The following IQUB variants were observed in gnomAD, a reference collection of about 807,000 sequenced individuals.
IQUB encodes the protein IQ motif and ubiquitin-like domain-containing protein.
IQUB carries 86 observed loss-of-function variants against 86.4 expected under a neutral mutation model. The ratio of observed to expected loss-of-function variants is 1.00; its 90% CI spans 0.84 to 1.19. The LOEUF (loss-of-function observed/expected upper bound fraction) is 1.19. Ranked by LOEUF, IQUB falls within the 50% of genes most tolerant of loss-of-function variation. IQUB has a pLI of 0.00. For missense variants in IQUB, 946 were observed against 916.9 expected (o/e 1.03, Z -0.41); for synonymous variants, 289 against 304.5 (o/e 0.95, Z 0.53).
chr7:123,463,215 T>G (rs915205603), intron 10 of IQUB, among the ~76,000 whole-genome samples: 1 of 151,668 alleles, frequency 6.6e-6, no homozygotes, highest in Non-Finnish European at 1.5e-5. Context: ...GCAGTCAGTT[T>G]GGAAAAAAAT....
intron 9 of IQUB, among the ~76,000 whole-genome samples, chr7:123,467,978 GTTTTCTTGCTT>G (rs1794340220): frequency 6.6e-6 from 1 of 152,204 alleles, no homozygotes; most frequent in Non-Finnish European, 1.5e-5. Flanking sequence ...CAAGGCAAGT[GTTTTCTTGCTT>G]ATAGAGGTAA....
chr7:123,532,711 T>C (rs923397696), intron 1 of IQUB: 6 of 152,044 alleles, frequency 3.9e-5, no homozygotes, highest in African/African-American at 1.4e-4. Context: ...CATTGGGCGC[T>C]CCGCCCAAGG....
Position 123,479,902 on chromosome 7 carries a change from A to G in IQUB, c.1303T>C (p.Cys435Arg). The stretch of plus-strand genomic sequence containing the variant: ...TGAGTCTCTTTTTCCAGAAGTTCAC[A>G]CAGAGCAGCTTTCCTTTCAGCTCCA... ...FTGAERKAAL[C>R]ELLEKETQII... is the part of the protein sequence containing the mutation. Residue 435 changes from cysteine (C) to arginine (R), a missense_variant, in exon 8 of 13, where the codon TGT becomes CGT. Physicochemically the swap from Cys to Arg is radical, Grantham distance 180. Transcript: ENST00000324698. 6.2e-7 allele frequency: 1 copy of G among 1,613,220 alleles called. No individual in the cohort carries two copies. The highest frequency in any genetic ancestry group is 8.5e-7 in the Non-Finnish European group (1 of 1,179,460).
intron 1 of IQUB, among the ~76,000 whole-genome samples, chr7:123,524,662 T>C (rs1797096935): frequency 6.6e-6 from 1 of 151,370 alleles, no homozygotes; most frequent in Non-Finnish European, 1.5e-5. Context: ...ACAATTTGAC[T>C]TCCTCTTTTC....
intron 3 of IQUB, among the ~76,000 whole-genome samples, chr7:123,508,056 G>A (rs925049849): frequency 8.5e-5 from 13 of 152,234 alleles, no homozygotes; most frequent in South Asian, 4.2e-4. Context: ...TGGTTGGGCC[G>A]TAAATGTAAT....
intron 7 of IQUB, among the ~76,000 whole-genome samples, chr7:123,483,368 GA>G (rs1795087516): frequency 6.6e-6 from 1 of 152,086 alleles, no homozygotes; most frequent in African/African-American, 2.4e-5. Flanking sequence ...TTCAGATGGA[GA>G]TTATTATTAG....
At chr7:123,531,845 A>G (rs1460679462) in intron 1 of IQUB, among the ~76,000 whole-genome samples, 1 of 152,226 alleles carries the variant, frequency 6.6e-6, no homozygotes. Flanking sequence ...CTTCACCACT[A>G]CAATAACCAC....
At chr7:123,513,086 T>C (rs991543421) in intron 1 of IQUB, among the ~76,000 whole-genome samples, 12 of 152,132 alleles carry the variant, frequency 7.9e-5, no homozygotes, top group African/African-American at 2.7e-4. Context: ...ACCAGATTTC[T>C]ATGGCAAAGG....
At chr7:123,473,742 A>AT (rs58043575) in intron 8 of IQUB, among the ~76,000 whole-genome samples, 34,069 of 139,250 alleles carry the variant, frequency 0.24, 4,478 homozygotes, top group East Asian at 0.33. Context: ...TGCCCGGCTA[A>AT]TTTTTTTTTT....
chr7:123,498,760 A>G (rs1795815139), intron 6 of IQUB, among the ~76,000 whole-genome samples: 1 of 152,344 alleles, frequency 6.6e-6, no homozygotes, highest in East Asian at 1.9e-4. Flanking sequence ...TTTAAGAATG[A>G]TAACTGTAAG....
intron 9 of IQUB, among the ~76,000 whole-genome samples, 171 bp downstream of exon 9, chr7:123,469,043 A>T (rs1794398270): frequency 6.6e-6 from 1 of 152,208 alleles, no homozygotes; most frequent in South Asian, 2.1e-4. Context: ...TACATTTATT[A>T]TGTATTATAT....
intron 1 of IQUB, among the ~76,000 whole-genome samples, chr7:123,515,765 TGAGTG>T (rs1166838284): frequency 6.6e-6 from 1 of 152,224 alleles, no homozygotes; most frequent in African/African-American, 2.4e-5. Context: ...CAAGTGCTAG[TGAGTG>T]CATATAAAGA....
rs529065624 is a variant in IQUB at position 123,525,445 on chromosome 7, C to G, written c.-5+9047G>C. 1.9e-3 allele frequency among the ~76,000 whole-genome samples: 293 copies of G among 152,072 alleles called. 4 individuals carry two copies. The highest frequency in any genetic ancestry group is 8.5e-3 in the South Asian group (41 of 4,812). On this transcript the variant is annotated intron_variant, in intron 1 of 12. Transcript: ENST00000324698. ...TTAGTCTTGGGAGAGTGTATGTGTC[C>G]AGGAATTTATCCATTTCTTCTAGAT...
At position 123,502,598 on chromosome 7, in the gene IQUB, G is replaced by A. The variant is rs376513047; in HGVS notation, c.1022C>T (p.Ala341Val). The A allele has an allele frequency of 1.1e-5, 18 of 1,608,324 alleles. No individual in the cohort carries two copies. The highest frequency in any genetic ancestry group is 4.5e-5 in the East Asian group (2 of 44,756). The change falls in exon 6 of 13, where the codon GCG becomes GTG. Residue 341 changes from alanine to valine, a missense_variant and splice_region_variant. Transcript: ENST00000324698. ...AAEYHAQRLK[A>V]VIVIQTYYRQ... is the part of the protein sequence containing the mutation. ...CATCCACAATAAAAGTTATCTCACC[G>A]CCTTTAGTCTTTGAGCATGGTATTC...
Position 123,496,745 on chromosome 7 carries a change from A to G in IQUB, c.1185T>C (p.His395=). The G allele has an allele frequency of 6.2e-7, 1 of 1,611,126 alleles. No individual in the cohort carries two copies. Among genetic ancestry groups the G allele is most frequent in the Non-Finnish European group, 8.5e-7 (1 of 1,178,098 alleles). ...EWIKLDYHRR[H]NPKTNEDFEF... is the part of the protein sequence containing the mutation. ...CAAAATCTTCATTTGTTTTAGGATT[A>G]TGCCTCCGGTGATAGTCCAATTTTA... The change falls in exon 7 of 13, where the codon CAT becomes CAC. Residue 395 remains histidine, a synonymous_variant. Transcript: ENST00000324698.
intron 9 of IQUB, among the ~76,000 whole-genome samples, chr7:123,466,622 T>C (rs1254262690): frequency 6.6e-6 from 1 of 152,144 alleles, no homozygotes; most frequent in African/African-American, 2.4e-5. Context: ...TTTAAGAGTT[T>C]TGTGTGCCTT....
chr7:123,489,801 A>C (rs1381957370), intron 7 of IQUB, among the ~76,000 whole-genome samples: 1 of 151,960 alleles, frequency 6.6e-6, no homozygotes, highest in Non-Finnish European at 1.5e-5. Context: ...AAGATGAAAA[A>C]CTAGAGAGAA....
intron 1 of IQUB, among the ~76,000 whole-genome samples, chr7:123,523,346 A>G (rs991796349): frequency 1.4e-5 from 2 of 144,022 alleles, no homozygotes; most frequent in South Asian, 4.4e-4. Flanking sequence ...CTATTTCTCC[A>G]CATCCTCTCC....
intron 7 of IQUB, among the ~76,000 whole-genome samples, chr7:123,492,841 G>C (rs1795532390): frequency 6.6e-6 from 1 of 152,078 alleles, no homozygotes; most frequent in Non-Finnish European, 1.5e-5. Context: ...TGCACTCTAG[G>C]TAGCCACTTA....
Sources: allele counts gnomAD v4.1 joint callset (sites outside exome capture counted in the v4.1 genomes callset), GRCh38; gene constraint gnomAD v4.1.1; transcripts MANE v1.5; gene names NCBI Gene and HGNC (gene_info 2026-07-23, HGNC 2026-07-21).